Variants in JAK1 observed in about 807,000 individuals in gnomAD.
JAK1 encodes the protein Janus kinase 1.
JAK1 carries 16 observed loss-of-function variants against 136.6 expected under a neutral mutation model. The observed-to-expected ratio is 0.12, with a 90% CI of 0.08 to 0.18. The LOEUF (loss-of-function observed/expected upper bound fraction) is 0.18, where lower values mean the gene tolerates loss of function less well. JAK1 is among the 10% of genes least tolerant of loss of function. The pLI is 1.00. For synonymous variants in JAK1, 492 were observed against 519.5 expected (o/e 0.95, Z 0.72); for missense variants, 859 against 1,450.1 (o/e 0.59, Z 6.62).
intron 1 of JAK1, among the ~76,000 whole-genome samples, chr1:64,951,758 A>G (rs1207467256): frequency 2.8e-5 from 4 of 142,740 alleles, no homozygotes; most frequent in Non-Finnish European, 4.5e-5. Flanking sequence ...TCCCGGGTTC[A>G]CGCCATTCTC....
rs947070340 is a variant in JAK1, at chr1:64,846,720, G to A, written c.1916C>T (p.Ala639Val). ...RDISLAFFEA[A>V]SMMRQVSHKH... ...GTGGGAGACCTGTCTCATCATGCTGGCTGCCTCGAAGAAGGCCTGTGGGCG... is the reference window on the plus strand; with the variant it reads ...GTGGGAGACCTGTCTCATCATGCTGACTGCCTCGAAGAAGGCCTGTGGGCG... Residue 639 changes from alanine to valine, a missense_variant, in exon 14 of 25, where the codon GCC (alanine) becomes GTC (valine). By Grantham distance (64) the Ala-to-Val change is moderately conservative (BLOSUM62 0). Transcript: ENST00000342505. 6.2e-7 allele frequency: 1 copy of A among 1,613,918 alleles called. No homozygotes were observed. Among genetic ancestry groups the A allele is most frequent in the South Asian group, 1.1e-5 (1 of 91,062 alleles).
chr1:64,857,614 T>G, intron 10 of JAK1, 42 bp downstream of exon 10: 1 of 1,611,864 alleles, frequency 6.2e-7, no homozygotes, highest in Non-Finnish European at 8.5e-7. Flanking sequence ...ACTGGACACC[T>G]CATGGCTGTA....
At chr1:64,882,650 A>C (rs1028096274) in intron 3 of JAK1, among the ~76,000 whole-genome samples, 7 of 152,120 alleles carry the variant, frequency 4.6e-5, no homozygotes, top group Admixed American at 1.3e-4. Context: ...TTGGTTTCCC[A>C]CCTTCTGAGG....
intron 4 of JAK1, 32 bp from the exon 5 acceptor site, chr1:64,873,555 G>A (rs2101161057): frequency 6.2e-7 from 1 of 1,613,612 alleles, no homozygotes; most frequent in Non-Finnish European, 8.5e-7. Flanking sequence ...GCCAATTGTG[G>A]CAAAGGGGAC....
At chr1:65,041,696 A>G (rs1647135012) in intron 2 of JAK1, among the ~76,000 whole-genome samples, 1 of 152,128 alleles carries the variant, frequency 6.6e-6, no homozygotes, top group Non-Finnish European at 1.5e-5. Context: ...CTTATACTAT[A>G]TATACATACA....
chr1:64,931,425 G>A (rs191567371), intron 1 of JAK1, among the ~76,000 whole-genome samples: 19 of 152,018 alleles, frequency 1.2e-4, no homozygotes, highest in Middle Eastern at 3.4e-3. Flanking sequence ...AGCTGTCCAC[G>A]CCGGGTGTCA....
At chr1:64,865,110 G>C (rs1656614534) in intron 7 of JAK1, 138 bp from the exon 8 acceptor site, 2 of 658,982 alleles carry the variant, frequency 3.0e-6, no homozygotes, top group East Asian at 2.7e-5. Flanking sequence ...TTGCAGGATT[G>C]GGGGAGTTGG....
chr1:65,067,508 T>C (rs1185836808), intron 1 of JAK1: 2 of 144,264 alleles, frequency 1.4e-5, no homozygotes, highest in African/African-American at 5.0e-5. Flanking sequence ...GCCCCGAGCC[T>C]CGCGCGGCCG....
At chr1:65,064,723 T>A (rs1647965946) in intron 1 of JAK1, among the ~76,000 whole-genome samples, 1 of 152,182 alleles carries the variant, frequency 6.6e-6, no homozygotes, top group Non-Finnish European at 1.5e-5. Flanking sequence ...CCTCTCAACT[T>A]ACATACTCAC....
At chr1:65,060,895 G>GT (rs1647763161) in intron 1 of JAK1, among the ~76,000 whole-genome samples, 1 of 152,082 alleles carries the variant, frequency 6.6e-6, no homozygotes, top group African/African-American at 2.4e-5. Context: ...TTATAAACAA[G>GT]TGACTACAGG....
chr1:64,990,445 T>C (rs376879190), intron 2 of JAK1: 2 of 151,582 alleles, frequency 1.3e-5, no homozygotes, highest in African/African-American at 4.9e-5. Context: ...GTCTCAACAA[T>C]GAAAACAAAA....
intron 2 of JAK1, among the ~76,000 whole-genome samples, chr1:65,037,991 A>G (rs1159303626): frequency 6.6e-6 from 1 of 152,134 alleles, no homozygotes; most frequent in Non-Finnish European, 1.5e-5. Flanking sequence ...GGCTTGTTAC[A>G]AAGTTCTGCC....
At chr1:64,939,350 G>A (rs1645846879) in intron 1 of JAK1, among the ~76,000 whole-genome samples, 1 of 152,152 alleles carries the variant, frequency 6.6e-6, no homozygotes. Context: ...GCATAACACA[G>A]GACAAGGAAA....
At chr1:64,960,539 C>G (rs573137743) in intron 1 of JAK1, among the ~76,000 whole-genome samples, 18 of 152,332 alleles carry the variant, frequency 1.2e-4, no homozygotes, top group South Asian at 1.0e-3. Context: ...TAGTCTCCTA[C>G]AGCCGGCTTC....
chr1:64,894,828 A>ATGGCCCCCCTACACT (rs1553165853), intron 1 of JAK1, among the ~76,000 whole-genome samples: 1 of 152,034 alleles, frequency 6.6e-6, no homozygotes, highest in South Asian at 2.1e-4. Flanking sequence ...CTTTCTCTAC[A>ATGGCCCCCCTACACT]TGGCCCCCCT....
chr1:65,056,424 AC>A (rs1647542456), intron 1 of JAK1, among the ~76,000 whole-genome samples: 5 of 152,156 alleles, frequency 3.3e-5, no homozygotes. Flanking sequence ...AACTGCAATC[AC>A]CAGCAAAGGA....
intron 4 of JAK1, among the ~76,000 whole-genome samples, chr1:64,878,556 A>AGTGTGT (rs1368449732): frequency 9.2e-6 from 1 of 109,244 alleles, no homozygotes; most frequent in South Asian, 3.1e-4. Context: ...TTATATATAT[A>AGTGTGT]GTGTGTATAT....
At chr1:64,946,781 C>T (rs1387615724) in intron 1 of JAK1, among the ~76,000 whole-genome samples, 1 of 151,628 alleles carries the variant, frequency 6.6e-6, no homozygotes, top group African/African-American at 2.4e-5. Flanking sequence ...ATAGAAATAT[C>T]ATTCACAACA....
intron 2 of JAK1, among the ~76,000 whole-genome samples, chr1:65,034,644 A>G (rs1028711992): frequency 2.6e-5 from 4 of 152,256 alleles, no homozygotes; most frequent in Non-Finnish European, 5.9e-5. Flanking sequence ...TTCACTTAAA[A>G]AAAAGTAATC....
Sources: gnomAD v4.1 joint callset for allele counts (sites outside exome capture counted in the v4.1 genomes callset) on GRCh38, gnomAD v4.1.1 for gene constraint, MANE v1.5 for transcripts, NCBI Gene and HGNC (gene_info 2026-07-23, HGNC 2026-07-21) for gene names.